Variants in TEAD1 observed in about 807,000 individuals in gnomAD.
The protein encoded by TEAD1 is transcriptional enhancer factor TEF-1.
A neutral mutation model predicts 54.9 loss-of-function variants in TEAD1; 9 were observed. That is an observed-to-expected ratio of 0.16 (90% CI 0.10 to 0.29). TEAD1 has a LOEUF of 0.29. Among genes scored for constraint, TEAD1 ranks in the 10% least tolerant of loss-of-function variants. The pLI, the probability that TEAD1 is intolerant of heterozygous loss-of-function variation, is 1.00. For missense variants in TEAD1, 387 were observed against 535.9 expected (o/e 0.72, Z 2.74); for synonymous variants, 200 against 187.8 (o/e 1.07, Z -0.53).
intron 2 of TEAD1, among the ~76,000 whole-genome samples, chr11:12,737,976 A>T (rs1006068107): frequency 3.3e-5 from 5 of 152,192 alleles, no homozygotes; most frequent in Admixed American, 2.6e-4. Flanking sequence ...GCTAGAGAGA[A>T]TGAGAGCCAA....
At chr11:12,847,568 A>G (rs891578223) in intron 3 of TEAD1, among the ~76,000 whole-genome samples, 1 of 152,116 alleles carries the variant, frequency 6.6e-6, no homozygotes, top group African/African-American at 2.4e-5. Flanking sequence ...ATTTTTAGAG[A>G]CAGAAGTGTG....
intron 3 of TEAD1, among the ~76,000 whole-genome samples, chr11:12,857,578 C>CTCTGTGTGTGTGTG (rs1343843895): frequency 6.9e-5 from 10 of 145,750 alleles, no homozygotes; most frequent in African/African-American, 5.2e-5. Context: ...CTCTCTGTCT[C>CTCTGTGTGTGTGTG]TGTGTGTGTG....
intron 3 of TEAD1, among the ~76,000 whole-genome samples, chr11:12,807,137 C>A (rs1946190548): frequency 6.6e-6 from 1 of 152,182 alleles, no homozygotes; most frequent in Non-Finnish European, 1.5e-5. Flanking sequence ...GAAAGCTCTC[C>A]CTTTTTGCAA....
At chr11:12,820,647 A>T (rs1946525950) in intron 3 of TEAD1, among the ~76,000 whole-genome samples, 2 of 152,206 alleles carry the variant, frequency 1.3e-5, no homozygotes, top group South Asian at 4.1e-4. Context: ...AACGTAGAAT[A>T]CAAAGTAGTG....
chr11:12,740,714 G>A (rs1192159938), intron 2 of TEAD1, among the ~76,000 whole-genome samples: 1 of 152,056 alleles, frequency 6.6e-6, no homozygotes, highest in African/African-American at 2.4e-5. Context: ...ACAGCATGAG[G>A]GTAACTGCCC....
chr11:12,770,050 T>G (rs1196028895), intron 3 of TEAD1, among the ~76,000 whole-genome samples: 1 of 152,246 alleles, frequency 6.6e-6, no homozygotes, highest in Non-Finnish European at 1.5e-5. Flanking sequence ...CCCTATTTTT[T>G]ATGTTGGCAA....
At chr11:12,815,112 A>C (rs1946389451) in intron 3 of TEAD1, among the ~76,000 whole-genome samples, 1 of 152,104 alleles carries the variant, frequency 6.6e-6, no homozygotes, top group Non-Finnish European at 1.5e-5. Context: ...TTTATAGATA[A>C]GGGTAGGTTT....
chr11:12,812,834 A>G (rs1015095368), intron 3 of TEAD1, among the ~76,000 whole-genome samples: 1 of 152,120 alleles, frequency 6.6e-6, no homozygotes, highest in Non-Finnish European at 1.5e-5. Context: ...ATCACCCCTA[A>G]TGGTCCTCTC....
chr11:12,796,432 T>G (rs1216134405), intron 3 of TEAD1, among the ~76,000 whole-genome samples: 1 of 152,196 alleles, frequency 6.6e-6, no homozygotes, highest in Non-Finnish European at 1.5e-5. Flanking sequence ...TTACGATGTT[T>G]AGCAATTCTT....
At chr11:12,712,032 A>T (rs944228348) in intron 2 of TEAD1, among the ~76,000 whole-genome samples, 1 of 152,062 alleles carries the variant, frequency 6.6e-6, no homozygotes, top group African/African-American at 2.4e-5. Context: ...AGTCCTAGGC[A>T]CTCAGGGAGT....
At chr11:12,724,033 T>C (rs1297744579) in intron 2 of TEAD1, among the ~76,000 whole-genome samples, 2 of 152,198 alleles carry the variant, frequency 1.3e-5, no homozygotes, top group Non-Finnish European at 2.9e-5. Context: ...CTGGGGTAAA[T>C]GATTGAAACA....
At chr11:12,686,535 T>C (rs952672192) in intron 2 of TEAD1, among the ~76,000 whole-genome samples, 1 of 152,172 alleles carries the variant, frequency 6.6e-6, no homozygotes, top group Admixed American at 6.5e-5. Context: ...AAAGTTTAAT[T>C]TAGAAAGAAG....
rs1348653280 is a variant in TEAD1 at position 12,941,270 on chromosome 11, A to G, written c.*4048A>G. The G allele has an allele frequency of 6.6e-6, 1 of 152,238 alleles. No individual in the cohort carries two copies. The highest frequency in any genetic ancestry group is 2.4e-5 in the African/African-American group (1 of 41,452). 9.4% of individuals were successfully genotyped at this position (152,238 alleles called of 1,614,324 possible). A position where few individuals can be genotyped will look rare whatever the true frequency, so the allele number is the denominator to read the frequency against. Reference sequence around the variant, plus strand: ...TGAGGCATCCACAAGCAGGTAGGAAAGCTGGCGAGCCATTTTACTTCCTGA... The same window carrying G: ...TGAGGCATCCACAAGCAGGTAGGAAGGCTGGCGAGCCATTTTACTTCCTGA... On this transcript the variant is annotated 3_prime_UTR_variant, in exon 13 of 13. Coordinates refer to ENST00000527636, the MANE Select transcript of TEAD1 (RefSeq NM_021961.6).
At position 12,674,655 on chromosome 11, in the gene TEAD1, G is replaced by C. The variant is rs1210035789; in HGVS notation, c.-387G>C. On this transcript the variant is annotated 5_prime_UTR_variant, in exon 1 of 13. Coordinates refer to ENST00000527636, the MANE Select transcript of TEAD1 (RefSeq NM_021961.6). Reference sequence around the variant, plus strand: ...ACCCCTCCACCTTTGCCCGGAGCGCGGGCAGCAGCCCAGCGCGCCAGCCGG... The same window carrying C: ...ACCCCTCCACCTTTGCCCGGAGCGCCGGCAGCAGCCCAGCGCGCCAGCCGG... The C allele has an allele frequency of 6.6e-6, 1 of 151,222 alleles. No homozygotes were observed. Among genetic ancestry groups the C allele is most frequent in the East Asian group, 2.0e-4 (1 of 5,060 alleles). The allele number at this position is 151,222 out of a possible 1,614,324, so 9.4% of individuals were successfully genotyped here.
chr11:12,686,490 T>C (rs1196084034), intron 2 of TEAD1, among the ~76,000 whole-genome samples: 5 of 152,322 alleles, frequency 3.3e-5, no homozygotes, highest in African/African-American at 9.6e-5. Context: ...TTCATAGGAA[T>C]GATTCAGCAT....
chr11:12,797,679 A>C (rs1945963033), intron 3 of TEAD1, among the ~76,000 whole-genome samples: 2 of 150,930 alleles, frequency 1.3e-5, no homozygotes, highest in African/African-American at 4.9e-5. Context: ...TGCCAATTTT[A>C]CTGTCCTATC....
At chr11:12,696,296 G>A (rs770055584) in intron 2 of TEAD1, among the ~76,000 whole-genome samples, 10 of 152,156 alleles carry the variant, frequency 6.6e-5, no homozygotes, top group Non-Finnish European at 1.2e-4. Context: ...ATCAAAGTGG[G>A]GCTATCTGAG....
rs532259492 is a variant in TEAD1, at chr11:12,939,793, C to T, written c.*2571C>T. The T allele has an allele frequency of 1.3e-5, 2 of 152,348 alleles. No homozygotes were observed. The highest frequency in any genetic ancestry group is 2.1e-4 in the South Asian group (1 of 4,822). The allele number at this position is 152,348 out of a possible 1,614,324, so 9.4% of individuals were successfully genotyped here. A position where few individuals can be genotyped will look rare whatever the true frequency, so the allele number is the denominator to read the frequency against. On this transcript the variant is annotated 3_prime_UTR_variant, in exon 13 of 13. Transcript: ENST00000527636. ...AAGCTTTCTCCAGGACAGATATTTT[C>T]CCTGTCTTAACCACTGGTCCAGTCA...
chr11:12,895,100 C>T (rs1948284560), intron 9 of TEAD1, among the ~76,000 whole-genome samples: 1 of 152,148 alleles, frequency 6.6e-6, no homozygotes, highest in East Asian at 1.9e-4. Context: ...GTGTTCATCA[C>T]TCCTCACTGC....
Sources: gnomAD v4.1 joint callset for allele counts (sites outside exome capture counted in the v4.1 genomes callset) on GRCh38, gnomAD v4.1.1 for gene constraint, MANE v1.5 for transcripts, NCBI Gene and HGNC (gene_info 2026-07-23, HGNC 2026-07-21) for gene names.